The following ARNT2 variants were observed in gnomAD, a reference collection of about 807,000 sequenced individuals.
The protein encoded by ARNT2 is ARNT protein 2.
A neutral mutation model predicts 91.7 loss-of-function variants in ARNT2; 36 were observed. That is an observed-to-expected ratio of 0.39 (90% CI 0.30 to 0.52). The LOEUF is 0.52. Ranked by LOEUF, ARNT2 falls within the 20% of genes least tolerant of loss-of-function variation. The pLI is 0.72. For synonymous variants in ARNT2, 365 were observed against 347.1 expected (o/e 1.05, Z -0.57); for missense variants, 775 against 939.3 (o/e 0.83, Z 2.29).
At chr15:80,490,096 A>C (rs1897033771) in intron 5 of ARNT2, among the ~76,000 whole-genome samples, 1 of 151,842 alleles carries the variant, frequency 6.6e-6, no homozygotes, top group Non-Finnish European at 1.5e-5. Context: ...TTTTGTAAGC[A>C]CTCCCAGGAG....
intron 8 of ARNT2, among the ~76,000 whole-genome samples, 153 bp downstream of exon 8, chr15:80,514,558 A>G (rs548345417): frequency 2.0e-5 from 3 of 152,210 alleles, no homozygotes; most frequent in East Asian, 1.9e-4. Flanking sequence ...TAATTGGAAA[A>G]CATCCTGCTA....
chr15:80,408,256 G>C (rs1895630154), intron 1 of ARNT2, among the ~76,000 whole-genome samples: 1 of 152,206 alleles, frequency 6.6e-6, no homozygotes, highest in Non-Finnish European at 1.5e-5. Flanking sequence ...GCAATGTGGA[G>C]ATGAGGGAGA....
chr15:80,535,731 T>TG (rs1050732949), intron 8 of ARNT2, among the ~76,000 whole-genome samples: 6 of 134,736 alleles, frequency 4.5e-5, no homozygotes, highest in African/African-American at 1.6e-4. Flanking sequence ...CACACAGGTT[T>TG]TTTTTTTTTT....
intron 1 of ARNT2, among the ~76,000 whole-genome samples, chr15:80,422,278 G>A (rs1194851944): frequency 6.6e-6 from 1 of 152,194 alleles, no homozygotes; most frequent in Non-Finnish European, 1.5e-5. Flanking sequence ...TTAACTAGAT[G>A]TAGGGAAAAT....
chr15:80,550,290 C>A (rs780270377), intron 8 of ARNT2, among the ~76,000 whole-genome samples: 3 of 152,136 alleles, frequency 2.0e-5, no homozygotes, highest in African/African-American at 7.2e-5. Context: ...GACATTTCTC[C>A]GGCTCACAAA....
intron 14 of ARNT2, 89 bp downstream of exon 14, chr15:80,575,199 G>A (rs1232335115): frequency 1.3e-6 from 2 of 1,531,854 alleles, no homozygotes; most frequent in Non-Finnish European, 1.8e-6. Context: ...TAGTAAGAGG[G>A]GGCCACGGAA....
chr15:80,500,959 T>G (rs998679849), intron 5 of ARNT2, among the ~76,000 whole-genome samples: 1 of 152,250 alleles, frequency 6.6e-6, no homozygotes, highest in Admixed American at 6.5e-5. Context: ...TTAGAAAAAT[T>G]ACAGTAAAAA....
intron 14 of ARNT2, among the ~76,000 whole-genome samples, chr15:80,575,774 A>G (rs529999840): frequency 6.6e-6 from 1 of 152,294 alleles, no homozygotes; most frequent in South Asian, 2.1e-4. Context: ...ACACAGATCC[A>G]GGGCTGTTCC....
chr15:80,551,371 G>C, intron 9 of ARNT2, 96 bp downstream of exon 9: 1 of 1,158,828 alleles, frequency 8.6e-7, no homozygotes. Flanking sequence ...CTGATCACCT[G>C]TGTTCTTGGT....
chr15:80,508,820 T>C (rs1444449372), intron 6 of ARNT2, among the ~76,000 whole-genome samples: 2 of 152,318 alleles, frequency 1.3e-5, no homozygotes, highest in East Asian at 1.9e-4. Context: ...TACATCATAA[T>C]TGAAGAAATG....
At chr15:80,463,042 C>T (rs528661275) in intron 3 of ARNT2, among the ~76,000 whole-genome samples, 25 of 152,252 alleles carry the variant, frequency 1.6e-4, no homozygotes, top group African/African-American at 4.6e-4. Flanking sequence ...GCAAGGTAGA[C>T]GTGTCCTGCA....
At chr15:80,544,270 T>C (rs531025522) in intron 8 of ARNT2, among the ~76,000 whole-genome samples, 1 of 152,256 alleles carries the variant, frequency 6.6e-6, no homozygotes, top group Non-Finnish European at 1.5e-5. Context: ...CTTTGTTTCA[T>C]GCCTGGTAAT....
intron 1 of ARNT2, among the ~76,000 whole-genome samples, chr15:80,428,968 T>G (rs910565014): frequency 6.6e-6 from 1 of 152,208 alleles, no homozygotes; most frequent in Non-Finnish European, 1.5e-5. Flanking sequence ...GAGATTCTTA[T>G]TAGAATACTG....
Position 80,588,813 on chromosome 15 carries a change from A to G in ARNT2, c.1919-2755A>G, listed in dbSNP as rs558837292. Among the ~76,000 whole-genome samples, 195 of 152,232 alleles carry G rather than the reference A, an allele frequency of 1.3e-3. 1 individual carries two copies. The highest frequency in any genetic ancestry group is 0.012 in the South Asian group (57 of 4,812). ...TCATGGCTAGTTAGGTATCCCTCGT[A>G]AGCGTTTTTATTCTAGTTCCTCTGA... On this transcript the variant is annotated intron_variant, in intron 17 of 18. Transcript: ENST00000303329.
chr15:80,586,353 G>A (rs758999205), intron 17 of ARNT2, among the ~76,000 whole-genome samples: 1 of 152,146 alleles, frequency 6.6e-6, no homozygotes, highest in Non-Finnish European at 1.5e-5. Context: ...TCAGTTTAGG[G>A]TGAGGTCTCT....
intron 5 of ARNT2, among the ~76,000 whole-genome samples, chr15:80,479,995 C>A (rs1317741826): frequency 6.6e-6 from 1 of 152,062 alleles, no homozygotes; most frequent in Non-Finnish European, 1.5e-5. Context: ...GAGAGCTGGC[C>A]TCGGTGGTAT....
chr15:80,553,225 A>G (rs1262406573), intron 10 of ARNT2, among the ~76,000 whole-genome samples: 1 of 152,156 alleles, frequency 6.6e-6, no homozygotes, highest in African/African-American at 2.4e-5. Context: ...TTTTTTGAAA[A>G]GTCAATGTCA....
chr15:80,427,127 T>A (rs746494065), intron 1 of ARNT2, among the ~76,000 whole-genome samples: 3 of 152,178 alleles, frequency 2.0e-5, no homozygotes, highest in Non-Finnish European at 4.4e-5. Context: ...TTCTGTTGGA[T>A]GATATCGTAG....
chr15:80,494,379 C>T (rs79090412), intron 5 of ARNT2, among the ~76,000 whole-genome samples: 1,554 of 152,282 alleles, frequency 0.01, 19 homozygotes, highest in East Asian at 0.055. Context: ...TCAGCCTGGT[C>T]TCCTGGCATA....
Sources: allele counts gnomAD v4.1 joint callset (sites outside exome capture counted in the v4.1 genomes callset), GRCh38; gene constraint gnomAD v4.1.1; transcripts MANE v1.5; gene names NCBI Gene and HGNC (gene_info 2026-07-23, HGNC 2026-07-21).